NR4A1: variants seen among roughly 807,000 people sequenced by gnomAD.
NR4A1 encodes the protein nuclear receptor subfamily 4immunitygroup A member 1.
In NR4A1, 24 loss-of-function variants were observed where a neutral mutation model predicts 47.5. The observed-to-expected ratio is 0.50, with a 90% CI of 0.37 to 0.71. The LOEUF (loss-of-function observed/expected upper bound fraction) is 0.71. Ranked by LOEUF, NR4A1 falls within the 30% of genes least tolerant of loss-of-function variation. The pLI, the probability that NR4A1 is intolerant of heterozygous loss-of-function variation, is 0.00. For missense variants in NR4A1, 669 were observed against 788.6 expected (o/e 0.85, Z 1.82); for synonymous variants, 353 against 345.7 (o/e 1.02, Z -0.24).
intron 6 of NR4A1, 48 bp from the exon 7 acceptor site, chr12:52,058,614 AGGGGCCTGGGGGAGGCTGGGGCTTTG>A: frequency 7.3e-7 from 1 of 1,371,868 alleles, no homozygotes; most frequent in African/African-American, 2.1e-5. Flanking sequence ...CAGCAGTTTT[AGGGGCCTGGGGGAGGCTGGGGCTTTG>A]GGGGCCTGGT....
At chr12:52,041,827 A>G in exon 2 of NR4A1, 1 of 1,457,972 alleles carries the variant, frequency 6.9e-7, no homozygotes. Flanking sequence ...CCATGGACAG[A>G]GGCCAGGCCC....
intron 4 of NR4A1, 195 bp from the exon 5 acceptor site, chr12:52,056,862 C>T: frequency 1.3e-6 from 1 of 797,784 alleles, no homozygotes; most frequent in Non-Finnish European, 1.9e-6. Context: ...GGCAGGTGGC[C>T]AATTAGAAAA....
At chr12:52,044,786 C>T (rs1437072001) in intron 2 of NR4A1, among the ~76,000 whole-genome samples, 5 of 152,056 alleles carry the variant, frequency 3.3e-5, no homozygotes, top group Admixed American at 2.6e-4. Context: ...CCCTCCAAGG[C>T]GAGAGGAGAA....
intron 2 of NR4A1, chr12:52,041,947 G>C: frequency 7.3e-7 from 1 of 1,378,962 alleles, no homozygotes. Flanking sequence ...CTCTGCTATT[G>C]TCCTTTGTAC....
chr12:52,037,602 T>C, intron 1 of NR4A1: 1 of 985,046 alleles, frequency 1.0e-6, no homozygotes, highest in Non-Finnish European at 1.2e-6. Flanking sequence ...AACCGCTGGC[T>C]CCGAGTCAGC....
At chr12:52,055,264 C>T in intron 2 of NR4A1, 60 bp downstream of exon 2, 3 of 1,592,710 alleles carry the variant, frequency 1.9e-6, no homozygotes, top group Non-Finnish European at 2.6e-6. Flanking sequence ...GGCCTCATCC[C>T]ATTGGGACCT....
chr12:52,041,904 C>A (rs1389913470), exon 2 of NR4A1: 1 of 1,512,742 alleles, frequency 6.6e-7, no homozygotes, highest in South Asian at 1.3e-5. Context: ...TGTGGTTGGC[C>A]AAGGCCTGTT....
chr12:52,056,342 C>A, intron 3 of NR4A1, 152 bp from the exon 4 acceptor site: 1 of 1,355,060 alleles, frequency 7.4e-7, no homozygotes, highest in Non-Finnish European at 1.0e-6. Context: ...AGGGTGGTGG[C>A]AGGGGGAGGT....
At chr12:52,053,957 G>T in intron 1 of NR4A1, 1 of 229,122 alleles carries the variant, frequency 4.4e-6, no homozygotes, top group Non-Finnish European at 8.5e-6. Context: ...CCCTTCTCCC[G>T]GCCCCCACCA....
intron 2 of NR4A1, chr12:52,055,513 T>A: frequency 1.8e-6 from 1 of 562,750 alleles, no homozygotes; most frequent in Non-Finnish European, 3.1e-6. Context: ...CTGCCTGTCC[T>A]CTCCCAACTC....
intron 1 of NR4A1, among the ~76,000 whole-genome samples, chr12:52,033,766 G>A (rs1409511203): frequency 1.3e-5 from 2 of 152,202 alleles, no homozygotes; most frequent in Non-Finnish European, 2.9e-5. Context: ...CTTAAGCCTG[G>A]GGAGAGGTCG....
At chr12:52,036,476 G>A (rs941625964) in intron 1 of NR4A1, among the ~76,000 whole-genome samples, 2 of 152,216 alleles carry the variant, frequency 1.3e-5, no homozygotes, top group Non-Finnish European at 2.9e-5. Flanking sequence ...CAGATATGGT[G>A]GATAATCTGA....
Position 52,058,714 on chromosome 12 carries a change from C to A in NR4A1, c.1567C>A (p.Arg523=), listed in dbSNP as rs765894090. 28 of 1,606,502 alleles carry A rather than the reference C, an allele frequency of 1.7e-5. No individual in the cohort carries two copies. In the South Asian group the frequency reaches 3.1e-4, roughly 18 times the overall value. The stretch of plus-strand genomic sequence containing the variant: ...CCGGCATGGGCTGCAGGAGCCGCGG[C>A]GGGTGGAGGAGCTGCAGAACCGCAT... ...TDRHGLQEPR[R]VEELQNRIAS... Residue 523 remains arginine, a synonymous_variant, in exon 7 of 7, where the codon CGG becomes AGG. Coordinates refer to ENST00000394825, the MANE Select transcript of NR4A1 (RefSeq NM_173157.3).
chr12:52,057,609 G>T, intron 6 of NR4A1, 79 bp downstream of exon 6: 1 of 1,546,360 alleles, frequency 6.5e-7, no homozygotes. Context: ...CACTGTCCCA[G>T]GGAGTTTGGT....
chr12:52,039,191 C>T (rs1199341334), intron 1 of NR4A1, among the ~76,000 whole-genome samples: 1 of 152,200 alleles, frequency 6.6e-6, no homozygotes, highest in Non-Finnish European at 1.5e-5. Context: ...ATGTAAAGTG[C>T]TTAATGTATC....
chr12:52,033,900 C>T (rs955018775), intron 1 of NR4A1, among the ~76,000 whole-genome samples: 1 of 152,208 alleles, frequency 6.6e-6, no homozygotes, highest in Non-Finnish European at 1.5e-5. Flanking sequence ...CTTCTCTGCC[C>T]AAATGCCCTA....
intron 1 of NR4A1, among the ~76,000 whole-genome samples, chr12:52,023,805 C>T (rs1004634844): frequency 2.6e-5 from 4 of 152,206 alleles, no homozygotes; most frequent in Non-Finnish European, 5.9e-5. Flanking sequence ...TGTGGCTCCC[C>T]GCTGCAAAGG....
intron 2 of NR4A1, among the ~76,000 whole-genome samples, chr12:52,042,108 G>A (rs1031013498): frequency 1.3e-5 from 2 of 152,128 alleles, no homozygotes; most frequent in Admixed American, 6.5e-5. Flanking sequence ...GGTTGGGGTA[G>A]TGTGAGTGTG....
chr12:52,037,907 T>G (rs921479179), intron 1 of NR4A1: 2 of 984,230 alleles, frequency 2.0e-6, no homozygotes, highest in African/African-American at 3.5e-5. Context: ...CAGGCGTGTT[T>G]TTTTGTTGTT....
Sources: gnomAD v4.1 joint callset for allele counts (sites outside exome capture counted in the v4.1 genomes callset) on GRCh38, gnomAD v4.1.1 for gene constraint, MANE v1.5 for transcripts, NCBI Gene and HGNC (gene_info 2026-07-23, HGNC 2026-07-21) for gene names.